RELN: variants seen among roughly 807,000 people sequenced by gnomAD.
The protein encoded by RELN is reelin.
In RELN, 108 loss-of-function variants were observed where a neutral mutation model predicts 427.6. The ratio of observed to expected loss-of-function variants is 0.25; its 90% confidence interval spans 0.22 to 0.30. The LOEUF is 0.30. RELN is among the 10% of genes least tolerant of loss of function. RELN has a pLI of 1.00. For synonymous variants in RELN, 1,524 were observed against 1,513.4 expected (o/e 1.01, Z -0.16); for missense variants, 3,715 against 4,302.8 (o/e 0.86, Z 3.82).
At position 103,910,223 on chromosome 7, in the gene RELN, T is replaced by C. The variant is rs989148367; in HGVS notation, c.337+6852A>G. On this transcript the variant is annotated intron_variant, in intron 2 of 64. Transcript: ENST00000428762. Reference sequence around the variant, plus strand: ...ATTTGGCTCTCTGTTTGTCTGTTGTTGGTGTATAAGAATGCTTGTGATTTT... The same window carrying C: ...ATTTGGCTCTCTGTTTGTCTGTTGTCGGTGTATAAGAATGCTTGTGATTTT... Among the ~76,000 whole-genome samples the C allele has an allele frequency of 2.8e-3, 381 of 135,736 alleles. 10 individuals are homozygous for C. The highest frequency in any genetic ancestry group is 0.027 in the Admixed American group (346 of 12,616). The allele number at this position is 135,736 out of a possible 152,430, so 89.0% of individuals were successfully genotyped here. A position where few individuals can be genotyped will look rare whatever the true frequency, so the allele number is the denominator to read the frequency against.
At chr7:103,528,407 A>G (rs1419512818) in intron 46 of RELN, among the ~76,000 whole-genome samples, 9 of 152,292 alleles carry the variant, frequency 5.9e-5, no homozygotes, top group Admixed American at 3.3e-4. Flanking sequence ...GTGACTGCTA[A>G]TAAGTATAGG....
At chr7:103,902,799 T>A (rs1043656887) in intron 2 of RELN, among the ~76,000 whole-genome samples, 1 of 152,114 alleles carries the variant, frequency 6.6e-6, no homozygotes, top group African/African-American at 2.4e-5. Flanking sequence ...TGGTGAAGTG[T>A]CTTTATTGGA....
chr7:103,524,096 A>T (rs1584263427), intron 46 of RELN, among the ~76,000 whole-genome samples: 1 of 152,202 alleles, frequency 6.6e-6, no homozygotes, highest in East Asian at 1.9e-4. Flanking sequence ...TAAAAAACAG[A>T]CAGTCAGAAA....
At chr7:103,834,406 A>G (rs1793350756) in intron 2 of RELN, among the ~76,000 whole-genome samples, 1 of 152,144 alleles carries the variant, frequency 6.6e-6, no homozygotes, top group Non-Finnish European at 1.5e-5. Context: ...TTTGCCTCAT[A>G]ACATCACAGT....
intron 60 of RELN, among the ~76,000 whole-genome samples, chr7:103,487,266 G>A (rs948511268): frequency 6.6e-6 from 1 of 152,072 alleles, no homozygotes; most frequent in African/African-American, 2.4e-5. Context: ...GGGGCAGGGG[G>A]CAAGGGGAGG....
At chr7:103,528,550 G>T (rs534696544) in intron 46 of RELN, among the ~76,000 whole-genome samples, 2 of 151,732 alleles carry the variant, frequency 1.3e-5, no homozygotes, top group East Asian at 1.9e-4. Flanking sequence ...TTGAGACAGG[G>T]TCTCATCTTG....
At chr7:103,688,412 C>T (rs1833806421) in intron 10 of RELN, among the ~76,000 whole-genome samples, 3 of 151,994 alleles carry the variant, frequency 2.0e-5, no homozygotes, top group Admixed American at 1.3e-4. Flanking sequence ...AAGTGAACTG[C>T]TGAAACCTTT....
chr7:103,904,522 T>C (rs550396856), intron 2 of RELN, among the ~76,000 whole-genome samples: 7 of 152,288 alleles, frequency 4.6e-5, no homozygotes, highest in South Asian at 2.1e-4. Flanking sequence ...CATCTACTGT[T>C]CCTTGACTTT....
At chr7:103,777,911 ACAC>A (rs1791786513) in intron 3 of RELN, among the ~76,000 whole-genome samples, 1 of 152,034 alleles carries the variant, frequency 6.6e-6, no homozygotes, top group South Asian at 2.1e-4. Context: ...ACACACACAC[ACAC>A]AATGGCACAA....
rs3025931 is a variant in RELN at position 103,544,967 on chromosome 7, C to A, written c.6523+157G>T. Among the ~76,000 whole-genome samples the A allele has an allele frequency of 9.6e-3, 1,464 of 152,226 alleles. 26 individuals are homozygous for A. The highest frequency in any genetic ancestry group is 0.034 in the African/African-American group (1,408 of 41,536). On this transcript the variant is annotated intron_variant, in intron 42 of 64. Coordinates refer to ENST00000428762, the MANE Select transcript of RELN (RefSeq NM_005045.4). The stretch of plus-strand genomic sequence containing the variant: ...ACTGACCATTGTTTCCAAAATGGAA[C>A]CCTATAAATTCAGAACTAAATGAAT...
At chr7:103,702,750 CCCTCACTGGCT>C (rs1834120860) in intron 8 of RELN, among the ~76,000 whole-genome samples, 1 of 152,130 alleles carries the variant, frequency 6.6e-6, no homozygotes, top group Non-Finnish European at 1.5e-5. Context: ...TGTCAAGGGA[CCCTCACTGGCT>C]CTTGCCAGAT....
At chr7:103,631,872 T>A (rs1417801685) in intron 19 of RELN, among the ~76,000 whole-genome samples, 2 of 152,084 alleles carry the variant, frequency 1.3e-5, no homozygotes, top group East Asian at 1.9e-4. Context: ...TAATAATTTG[T>A]TTAGCATTAT....
intron 11 of RELN, among the ~76,000 whole-genome samples, 189 bp from the exon 12 acceptor site, chr7:103,661,716 A>G (rs1456154634): frequency 6.6e-6 from 1 of 152,230 alleles, no homozygotes; most frequent in Non-Finnish European, 1.5e-5. Context: ...AATACACTTT[A>G]AACACATTAC....
intron 3 of RELN, among the ~76,000 whole-genome samples, chr7:103,822,980 T>C (rs1332179559): frequency 1.3e-5 from 2 of 152,074 alleles, no homozygotes; most frequent in South Asian, 4.1e-4. Flanking sequence ...TAATACTACC[T>C]GCAATTGAAA....
intron 3 of RELN, among the ~76,000 whole-genome samples, chr7:103,799,222 A>G (rs955635372): frequency 6.6e-6 from 1 of 152,152 alleles, no homozygotes; most frequent in African/African-American, 2.4e-5. Flanking sequence ...GGTCTCTTCA[A>G]TCTTGAGTAG....
intron 4 of RELN, among the ~76,000 whole-genome samples, chr7:103,755,939 T>C (rs1395639701): frequency 1.3e-5 from 2 of 152,078 alleles, no homozygotes; most frequent in South Asian, 2.1e-4. Flanking sequence ...GTCTACACAG[T>C]ATGGAACTTT....
At position 103,565,394 on chromosome 7, in the gene RELN, G is replaced by A. The variant is rs1384810353; in HGVS notation, c.5094C>T (p.Thr1698=). The A allele has an allele frequency of 3.1e-6, 5 of 1,613,910 alleles. No homozygotes were observed. The highest frequency in any genetic ancestry group is 1.7e-5 in the Admixed American group (1 of 59,972). ...CAATGGTTGGAGGAACACACTCTTCGGTGACAAGATGCCAGTCCTTGCCAT... is the reference window on the plus strand; with the variant it reads ...CAATGGTTGGAGGAACACACTCTTCAGTGACAAGATGCCAGTCCTTGCCAT... ...LNNGKDWHLV[T]EECVPPTIGC... is the part of the protein sequence containing the mutation. The change falls in exon 34 of 65, where the codon ACC becomes ACT. Residue 1698 remains threonine (T), a synonymous_variant. Transcript: ENST00000428762.
intron 12 of RELN, among the ~76,000 whole-genome samples, chr7:103,658,004 T>C (rs570528676): frequency 1.1e-4 from 17 of 152,228 alleles, no homozygotes; most frequent in African/African-American, 4.1e-4. Context: ...AAGGGTACAA[T>C]GTGAGCTAAA....
chr7:103,706,030 G>T (rs1018668714), intron 8 of RELN, among the ~76,000 whole-genome samples: 4 of 152,056 alleles, frequency 2.6e-5, no homozygotes, highest in African/African-American at 9.7e-5. Context: ...ATTCATTACT[G>T]CTTACTAAAG....
Sources: allele counts gnomAD v4.1 joint callset (sites outside exome capture counted in the v4.1 genomes callset), GRCh38; gene constraint gnomAD v4.1.1; transcripts MANE v1.5; gene names NCBI Gene and HGNC (gene_info 2026-07-23, HGNC 2026-07-21).